UBE2O: variants seen among roughly 807,000 people sequenced by gnomAD.
The protein encoded by UBE2O is (E3-independent) E2 ubiquitin-conjugating enzyme.
In UBE2O, 15 loss-of-function variants were observed where a neutral mutation model predicts 125.8. That is an observed-to-expected ratio of 0.12 (90% CI 0.08 to 0.18). The LOEUF (loss-of-function observed/expected upper bound fraction) is 0.18. Ranked by LOEUF, UBE2O falls within the 10% of genes least tolerant of loss-of-function variation. UBE2O has a pLI of 1.00. For synonymous variants in UBE2O, 708 were observed against 703.2 expected, an observed-to-expected ratio of 1.01 and a Z score of -0.11; for missense variants, 1,280 against 1,723.6, an observed-to-expected ratio of 0.74 and a Z score of 4.56.
chr17:76,433,109 T>C (rs1221792000), intron 1 of UBE2O, among the ~76,000 whole-genome samples: 2 of 152,052 alleles, frequency 1.3e-5, no homozygotes, highest in Admixed American at 1.3e-4. Flanking sequence ...GAATTGAAAA[T>C]ATACATTCAC....
At chr17:76,414,001 T>C (rs1190716295) in intron 1 of UBE2O, among the ~76,000 whole-genome samples, 2 of 152,200 alleles carry the variant, frequency 1.3e-5, no homozygotes, top group Non-Finnish European at 2.9e-5. Flanking sequence ...TTCCGGCTGG[T>C]GCCAGTGTAA....
chr17:76,443,142 T>C (rs576604265), intron 1 of UBE2O, among the ~76,000 whole-genome samples: 90 of 152,276 alleles, frequency 5.9e-4, no homozygotes, highest in Non-Finnish European at 7.9e-4. Flanking sequence ...AAGGCAAATA[T>C]GGCAGGATGT....
intron 3 of UBE2O, among the ~76,000 whole-genome samples, chr17:76,403,872 A>C (rs1598590628): frequency 6.6e-6 from 1 of 152,188 alleles, no homozygotes; most frequent in Non-Finnish European, 1.5e-5. Context: ...GCCATGTGAG[A>C]AGGACATGAA....
At chr17:76,415,126 G>C (rs1418669294) in intron 1 of UBE2O, among the ~76,000 whole-genome samples, 1 of 152,178 alleles carries the variant, frequency 6.6e-6, no homozygotes, top group African/African-American at 2.4e-5. Context: ...GCATCCCTGA[G>C]AACAAGAAGG....
intron 1 of UBE2O, among the ~76,000 whole-genome samples, chr17:76,415,642 T>C (rs2072588171): frequency 6.6e-6 from 1 of 152,070 alleles, no homozygotes; most frequent in South Asian, 2.1e-4. Context: ...TGGTCTCTAC[T>C]AAAAATACAA....
chr17:76,415,282 G>GTGCAC (rs927911953), intron 1 of UBE2O, among the ~76,000 whole-genome samples: 1 of 152,092 alleles, frequency 6.6e-6, no homozygotes, highest in African/African-American at 2.4e-5. Flanking sequence ...AGAACCCCAC[G>GTGCAC]TGCACTGCCT....
Position 76,402,748 on chromosome 17 carries a change from T to C in UBE2O, c.589-49A>G. 6.8e-7 allele frequency: 1 copy of C among 1,478,866 alleles called. No homozygotes were observed. Among genetic ancestry groups the C allele is most frequent in the Non-Finnish European group, 9.5e-7 (1 of 1,056,756 alleles). 91.6% of individuals were successfully genotyped at this position (1,478,866 alleles called of 1,614,324 possible). A position where few individuals can be genotyped will look rare whatever the true frequency, so the allele number is the denominator to read the frequency against. On this transcript the variant is annotated intron_variant, in intron 3 of 17. Coordinates refer to ENST00000319380, the MANE Select transcript of UBE2O (RefSeq NM_022066.4). This position sits in a 1 kb window ranked among gnomAD's most constrained non-coding sequence, Gnocchi z 5.4. ...AGTGAGACACAGCAGACAACGTTCA[T>C]GTCCAGGGCACAGATTCCTCTATGC...
At chr17:76,424,734 C>A (rs577762531) in intron 1 of UBE2O, among the ~76,000 whole-genome samples, 54 of 152,000 alleles carry the variant, frequency 3.6e-4, no homozygotes, top group Admixed American at 1.7e-3. Context: ...CAGCAGGATC[C>A]CTTAAGCCAG....
chr17:76,400,305 G>A lies in UBE2O; in HGVS notation c.1005-8C>T. ...CATCCGAGACGCTTCACCCTGGTTGGGGAAGAAGTGGGGGTGAGCTGGGCT... is the reference window on the plus strand; with the variant it reads ...CATCCGAGACGCTTCACCCTGGTTGAGGAAGAAGTGGGGGTGAGCTGGGCT... On this transcript the variant is annotated splice_polypyrimidine_tract_variant and splice_region_variant and intron_variant, in intron 7 of 17. Coordinates refer to ENST00000319380, the MANE Select transcript of UBE2O (RefSeq NM_022066.4). This position sits in a 1 kb window ranked among gnomAD's most constrained non-coding sequence, Gnocchi z 4.3. The A allele has an allele frequency of 6.2e-7, 1 of 1,612,836 alleles. No homozygotes were observed. Among genetic ancestry groups the A allele is most frequent in the South Asian group, 1.1e-5 (1 of 91,032 alleles).
At chr17:76,415,566 A>AGG (rs777015016) in intron 1 of UBE2O, among the ~76,000 whole-genome samples, 1 of 152,168 alleles carries the variant, frequency 6.6e-6, no homozygotes. Flanking sequence ...GCACTTTGAG[A>AGG]GGGCAAGGCG....
intron 1 of UBE2O, among the ~76,000 whole-genome samples, chr17:76,450,618 G>GA (rs1567859757): frequency 2.0e-5 from 3 of 148,448 alleles, no homozygotes. Flanking sequence ...CAAAGTTGTT[G>GA]TTTTTTTTTT....
Position 76,452,383 on chromosome 17 carries a change from G to A in UBE2O, c.417+342C>T, listed in dbSNP as rs959379258. On this transcript the variant is annotated intron_variant, in intron 1 of 17. Transcript: ENST00000319380. The surrounding 1 kb of genome is among the most constrained non-coding windows in gnomAD (Gnocchi z 4.4). The stretch of plus-strand genomic sequence containing the variant: ...TTGGGGGTCAGCAAAACGCCGCACT[G>A]GTGTAACGCCGAACGCGCCCCAGAA... Among the ~76,000 whole-genome samples, 7 of 152,124 alleles carry A rather than the reference G, an allele frequency of 4.6e-5. No homozygotes were observed. Among genetic ancestry groups the A allele is most frequent in the African/African-American group, 1.4e-4 (6 of 41,418 alleles).
In UBE2O at chr17:76,402,190, A is replaced by C; in HGVS notation, c.687-63T>G. On this transcript the variant is annotated intron_variant, in intron 4 of 17. Transcript: ENST00000319380. This position sits in a 1 kb window ranked among gnomAD's most constrained non-coding sequence, Gnocchi z 5.4. ...ACACAGTGAGTACCAAAAAGTTGCG[A>C]TTCTGAGATGCCAATGCGCCCACAT... 6.6e-7 allele frequency: 1 copy of C among 1,517,084 alleles called. No individual in the cohort carries two copies. Among genetic ancestry groups the C allele is most frequent in the South Asian group, 1.2e-5 (1 of 86,940 alleles). 94.0% of individuals were successfully genotyped at this position (1,517,084 alleles called of 1,614,324 possible).
At chr17:76,421,907 G>A (rs1240209429) in intron 1 of UBE2O, among the ~76,000 whole-genome samples, 1 of 152,140 alleles carries the variant, frequency 6.6e-6, no homozygotes, top group Non-Finnish European at 1.5e-5. Flanking sequence ...ACAAGATGAC[G>A]CCACCAGACT....
At chr17:76,418,489 T>C (rs1369129218) in intron 1 of UBE2O, among the ~76,000 whole-genome samples, 1 of 152,108 alleles carries the variant, frequency 6.6e-6, no homozygotes, top group East Asian at 1.9e-4. Context: ...AGATATTCAA[T>C]TCAGCAGTGC....
At chr17:76,409,623 T>C (rs574226501) in intron 1 of UBE2O, among the ~76,000 whole-genome samples, 1 of 152,152 alleles carries the variant, frequency 6.6e-6, no homozygotes, top group Admixed American at 6.5e-5. Context: ...CTCCAACTCC[T>C]GACCCCATGA....
intron 1 of UBE2O, among the ~76,000 whole-genome samples, chr17:76,443,066 C>G (rs2073099390): frequency 1.3e-5 from 2 of 152,088 alleles, no homozygotes; most frequent in South Asian, 4.1e-4. Flanking sequence ...ATGTCTGCCA[C>G]TAACTTAGCA....
intron 15 of UBE2O, among the ~76,000 whole-genome samples, chr17:76,393,513 G>C (rs754136965): frequency 6.6e-6 from 1 of 151,960 alleles, no homozygotes; most frequent in Non-Finnish European, 1.5e-5. Context: ...GATTACAGGC[G>C]TGAGCCACCA....
Position 76,391,163 on chromosome 17 carries a change from G to C in UBE2O, c.3659C>G (p.Ser1220Trp). The change falls in exon 18 of 18, where the codon TCG becomes TGG. Residue 1220 changes from serine (S) to tryptophan (W), a missense_variant. Physicochemically the swap from Ser to Trp is radical, Grantham distance 177. Around this residue, in one of 10 missense-constraint regions of UBE2O, gnomAD observed 233 missense variants for 279.0 expected, o/e 0.84. Coordinates refer to ENST00000319380, the MANE Select transcript of UBE2O (RefSeq NM_022066.4). The surrounding 1 kb of genome is among the most constrained non-coding windows in gnomAD (Gnocchi z 8.4). Reference protein sequence around the residue: ...SASRDHTDQTSETAPDASVPP... With the variant: ...SASRDHTDQTWETAPDASVPP... ...CACCGATGCGTCTGGTGCGGTCTCCGAAGTCTGGTCTGTGTGGTCCCTGCT... is the reference window on the plus strand; with the variant it reads ...CACCGATGCGTCTGGTGCGGTCTCCCAAGTCTGGTCTGTGTGGTCCCTGCT... The C allele has an allele frequency of 6.2e-7, 1 of 1,613,548 alleles. No homozygotes were observed. Among genetic ancestry groups the C allele is most frequent in the South Asian group, 1.1e-5 (1 of 90,956 alleles).
Sources: gnomAD v4.1 joint callset for allele counts (sites outside exome capture counted in the v4.1 genomes callset) on GRCh38, gnomAD v4.1.1 for gene constraint, gnomAD v4.1.1 regional missense constraint, Gnocchi (gnomAD v3.1) non-coding constraint, MANE v1.5 for transcripts, NCBI Gene and HGNC (gene_info 2026-07-23, HGNC 2026-07-21) for gene names.